CCDC85B: variants seen among roughly 807,000 people sequenced by gnomAD.
The protein encoded by CCDC85B is coiled-coil domain containing 85B, also known as coiled-coil domain-containing protein 85B.
In CCDC85B, 8 loss-of-function variants were observed where a neutral mutation model predicts 13.6. The observed-to-expected ratio is 0.59, with a 90% CI of 0.35 to 1.06. The LOEUF is 1.06. Ranked by LOEUF, CCDC85B falls within the 50% of genes least tolerant of loss-of-function variation. The pLI is 0.02. For missense variants in CCDC85B, 217 were observed against 285.9 expected (o/e 0.76, Z 1.74); for synonymous variants, 118 against 135.9 (o/e 0.87, Z 0.92).
At position 65,890,942 on chromosome 11, in the gene CCDC85B, G is replaced by T. The variant is rs1860375921; in HGVS notation, c.159G>T (p.Leu53=). The T allele has an allele frequency of 6.5e-7, 1 of 1,530,534 alleles. No individual in the cohort carries two copies. The highest frequency in any genetic ancestry group is 8.7e-7 in the Non-Finnish European group (1 of 1,145,202). 94.8% of individuals were successfully genotyped at this position (1,530,534 alleles called of 1,614,324 possible). A position where few individuals can be genotyped will look rare whatever the true frequency, so the allele number is the denominator to read the frequency against. ...TCATGCAGGAGGTGAATCGGCAGCT[G>T]CAGGGCCACCTGGGCGAGATCCGCG... ...GRLMQEVNRQ[L]QGHLGEIREL... The change falls in exon 1 of 1, where the codon CTG becomes CTT. Residue 53 remains leucine (L), a synonymous_variant. Transcript: ENST00000312579.
chr11:65,891,542 G>T lies in CCDC85B; in HGVS notation c.*150G>T. On this transcript the variant is annotated 3_prime_UTR_variant, in exon 1 of 1. Transcript: ENST00000312579. This position sits in a 1 kb window ranked among gnomAD's most constrained non-coding sequence, Gnocchi z 7.3. ...ATCCTGACACCAAGAAGGGCCCCTCGCTCTTGCTGGCAGGGCAGCAGGGGG... is the reference window on the plus strand; with the variant it reads ...ATCCTGACACCAAGAAGGGCCCCTCTCTCTTGCTGGCAGGGCAGCAGGGGG... 5.8e-6 allele frequency: 5 copies of T among 855,284 alleles called. No homozygotes were observed. The South Asian group carries it at 1.3e-4, about 22-fold the overall frequency. The allele number at this position is 855,284 out of a possible 1,614,324, so 53.0% of individuals were successfully genotyped here. A position where few individuals can be genotyped will look rare whatever the true frequency, so the allele number is the denominator to read the frequency against.
Position 65,890,937 on chromosome 11 carries a change from C to T in CCDC85B, c.154C>T (p.Gln52Ter), listed in dbSNP as rs2134783782. The part of the protein sequence containing the change: ...RGRLMQEVNR[Q>*]LQGHLGEIRE... ...CCGCCTCATGCAGGAGGTGAATCGG[C>T]AGCTGCAGGGCCACCTGGGCGAGAT... The change falls in exon 1 of 1, where the codon CAG becomes TAG. Residue 52 changes from glutamine to a stop codon, truncating the protein, a stop_gained. Coordinates refer to ENST00000312579, the MANE Select transcript of CCDC85B (RefSeq NM_006848.3). LOFTEE classifies it high-confidence loss of function. 6.5e-7 allele frequency: 1 copy of T among 1,529,808 alleles called. No homozygotes were observed. Among genetic ancestry groups the T allele is most frequent in the Non-Finnish European group, 8.7e-7 (1 of 1,144,904 alleles). The allele number at this position is 1,529,808 out of a possible 1,614,324, so 94.8% of individuals were successfully genotyped here.
chr11:65,891,098 A>G lies in CCDC85B; in HGVS notation c.315A>G (p.Ala105=). 1 of 1,570,910 alleles carries G rather than the reference A, an allele frequency of 6.4e-7. No homozygotes were observed. The highest frequency in any genetic ancestry group is 8.6e-7 in the Non-Finnish European group (1 of 1,164,344). The change falls in exon 1 of 1, where the codon GCA becomes GCG. Residue 105 remains alanine, a synonymous_variant. Transcript: ENST00000312579. This position sits in a 1 kb window ranked among gnomAD's most constrained non-coding sequence, Gnocchi z 7.3. Reference sequence around the variant, plus strand: ...AGTGGCAGCTCTTCGGGACCCAAGCATCCCGGGCCGTGCGCGAGGACCTGG... The same window carrying G: ...AGTGGCAGCTCTTCGGGACCCAAGCGTCCCGGGCCGTGCGCGAGGACCTGG... The part of the protein sequence containing the change: ...ARQWQLFGTQ[A]SRAVREDLGG...
rs1302589674 is a variant in CCDC85B at position 65,891,034 on chromosome 11, T to G, written c.251T>G (p.Leu84Arg). 1 of 1,543,582 alleles carries G rather than the reference T, an allele frequency of 6.5e-7. No homozygotes were observed. The highest frequency in any genetic ancestry group is 8.7e-7 in the Non-Finnish European group (1 of 1,152,724). ...GAGCTGCGCGACCTCTGCTGCTTCC[T>G]GGACTCGGAGCGCCAGCGCGGGCGG... is the stretch of plus-strand genomic sequence containing the variant. ...NRELRDLCCF[L>R]DSERQRGRRA... The change falls in exon 1 of 1, where the codon CTG (leucine) becomes CGG (arginine). Residue 84 changes from leucine to arginine, a missense_variant. Physicochemically the swap from Leu to Arg is moderately radical, Grantham distance 102. Transcript: ENST00000312579. The surrounding 1 kb of genome is among the most constrained non-coding windows in gnomAD (Gnocchi z 7.3).
At position 65,891,252 on chromosome 11, in the gene CCDC85B, G is replaced by T. The variant is rs773031637; in HGVS notation, c.469G>T (p.Ala157Ser). Residue 157 changes from alanine to serine, a missense_variant, in exon 1 of 1, where the codon GCC (alanine) becomes TCC (serine). By Grantham distance (99) the Ala-to-Ser change is moderately conservative (BLOSUM62 1). Coordinates refer to ENST00000312579, the MANE Select transcript of CCDC85B (RefSeq NM_006848.3). This position sits in a 1 kb window ranked among gnomAD's most constrained non-coding sequence, Gnocchi z 7.3. ...GGGCCCCCGCGGCGGCCCCAGCGGC[G>T]CCGGGGGATCAGGAGCCGGGCCAGC... ...EWGPRGGPSG[A>S]GGSGAGPAPE... The T allele has an allele frequency of 6.6e-7, 1 of 1,523,768 alleles. No individual in the cohort carries two copies. The highest frequency in any genetic ancestry group is 8.8e-7 in the Non-Finnish European group (1 of 1,138,752). 94.4% of individuals were successfully genotyped at this position (1,523,768 alleles called of 1,614,324 possible).
Position 65,891,050 on chromosome 11 carries a change from G to T in CCDC85B, c.267G>T (p.Gln89His). 6.5e-7 allele frequency: 1 copy of T among 1,541,816 alleles called. No homozygotes were observed. Among genetic ancestry groups the T allele is most frequent in the Non-Finnish European group, 8.7e-7 (1 of 1,152,086 alleles). ...GCTGCTTCCTGGACTCGGAGCGCCA[G>T]CGCGGGCGGCGCGCCGCACGCCAGT... ...DLCCFLDSER[Q>H]RGRRAARQWQ... The change falls in exon 1 of 1, where the codon CAG becomes CAT. Residue 89 changes from glutamine (Q) to histidine (H), a missense_variant. Gln to His is a conservative substitution (Grantham distance 24). Coordinates refer to ENST00000312579, the MANE Select transcript of CCDC85B (RefSeq NM_006848.3). This position sits in a 1 kb window ranked among gnomAD's most constrained non-coding sequence, Gnocchi z 7.3.
In CCDC85B at chr11:65,891,472, C is replaced by A. The variant is rs535822980; in HGVS notation, c.*80C>A. 1.8e-3 allele frequency: 2,520 copies of A among 1,431,090 alleles called. 5 individuals are homozygous for A. The highest frequency in any genetic ancestry group is 2.2e-3 in the Non-Finnish European group (2,365 of 1,087,168). The allele number at this position is 1,431,090 out of a possible 1,614,324, so 88.6% of individuals were successfully genotyped here. A position where few individuals can be genotyped will look rare whatever the true frequency, so the allele number is the denominator to read the frequency against. ...ACCGCTGTGGACCTCGGGACCTGGA[C>A]GCCGTCCTGGCTGCGCAGGAGGGGC... On this transcript the variant is annotated 3_prime_UTR_variant, in exon 1 of 1. Transcript: ENST00000312579. The surrounding 1 kb of genome is among the most constrained non-coding windows in gnomAD (Gnocchi z 7.3).
chr11:65,891,226 G>A lies in CCDC85B; in HGVS notation c.443G>A (p.Trp148Ter). Residue 148 changes from tryptophan to a stop codon, truncating the protein, a stop_gained, in exon 1 of 1, where the codon TGG becomes TAG. Coordinates refer to ENST00000312579, the MANE Select transcript of CCDC85B (RefSeq NM_006848.3). LOFTEE classifies it high-confidence loss of function. This position sits in a 1 kb window ranked among gnomAD's most constrained non-coding sequence, Gnocchi z 7.3. ...CTCTGCCTGGCGCTGGGCGAAGAATGGGGCCCCCGCGGCGGCCCCAGCGGC... is the reference window on the plus strand; with the variant it reads ...CTCTGCCTGGCGCTGGGCGAAGAATAGGGCCCCCGCGGCGGCCCCAGCGGC... ...KELCLALGEE[W>*]GPRGGPSGAG... is the part of the protein sequence containing the mutation. The A allele has an allele frequency of 6.6e-7, 1 of 1,511,288 alleles. No individual in the cohort carries two copies. The highest frequency in any genetic ancestry group is 8.8e-7 in the Non-Finnish European group (1 of 1,133,208). 93.6% of individuals were successfully genotyped at this position (1,511,288 alleles called of 1,614,324 possible). A position where few individuals can be genotyped will look rare whatever the true frequency, so the allele number is the denominator to read the frequency against.
Position 65,890,778 on chromosome 11 carries a change from C to T in CCDC85B, c.-6C>T, listed in dbSNP as rs1488259328. The T allele has an allele frequency of 1.4e-6, 2 of 1,462,192 alleles. No homozygotes were observed. The highest frequency in any genetic ancestry group is 1.8e-6 in the Non-Finnish European group (2 of 1,115,800). 90.6% of individuals were successfully genotyped at this position (1,462,192 alleles called of 1,614,324 possible). ...GGCGGGCGATGCTCCAGAGGCCTGA[C>T]CAGCCATGGAGGCCGAGGCAGGCGG... On this transcript the variant is annotated 5_prime_UTR_variant, in exon 1 of 1. Coordinates refer to ENST00000312579, the MANE Select transcript of CCDC85B (RefSeq NM_006848.3).
In CCDC85B at chr11:65,890,928, G is replaced by T. The variant is rs1239474329; in HGVS notation, c.145G>T (p.Val49Leu). The T allele has an allele frequency of 1.3e-6, 2 of 1,530,078 alleles. No individual in the cohort carries two copies. The highest frequency in any genetic ancestry group is 1.7e-6 in the Non-Finnish European group (2 of 1,144,956). 94.8% of individuals were successfully genotyped at this position (1,530,078 alleles called of 1,614,324 possible). A position where few individuals can be genotyped will look rare whatever the true frequency, so the allele number is the denominator to read the frequency against. The change falls in exon 1 of 1, where the codon GTG becomes TTG. Residue 49 changes from valine (V) to leucine (L), a missense_variant. Val to Leu is a conservative substitution (Grantham distance 32). Transcript: ENST00000312579. The part of the protein sequence containing the change: ...LVQRGRLMQE[V>L]NRQLQGHLGE... ...GCAGCGCGGCCGCCTCATGCAGGAG[G>T]TGAATCGGCAGCTGCAGGGCCACCT...
chr11:65,891,169 A>C lies in CCDC85B; in HGVS notation c.386A>C (p.Glu129Ala). The change falls in exon 1 of 1, where the codon GAG becomes GCG. Residue 129 changes from glutamate (E) to alanine (A), a missense_variant. By Grantham distance (107) the Glu-to-Ala change is moderately radical (BLOSUM62 -1). Coordinates refer to ENST00000312579, the MANE Select transcript of CCDC85B (RefSeq NM_006848.3). The surrounding 1 kb of genome is among the most constrained non-coding windows in gnomAD (Gnocchi z 7.3). Reference protein sequence around the residue: ...KLAELEGRQEELLRENLALKE... With the variant: ...KLAELEGRQEALLRENLALKE... ...GCCGAGCTGGAGGGCCGCCAGGAGG[A>C]GCTGCTGCGGGAGAACCTAGCGCTT... 6.5e-7 allele frequency: 1 copy of C among 1,546,864 alleles called. No individual in the cohort carries two copies. Among genetic ancestry groups the C allele is most frequent in the Non-Finnish European group, 8.7e-7 (1 of 1,150,160 alleles).
Position 65,890,987 on chromosome 11 carries a change from G to T in CCDC85B, c.204G>T (p.Arg68=), listed in dbSNP as rs1441108105. ...GEIRELKQLN[R]RLQAENRELR... is the part of the protein sequence containing the mutation. ...TCCGCGAGCTCAAGCAGCTCAACCGGCGTCTGCAGGCAGAGAACCGTGAGC... is the reference window on the plus strand; with the variant it reads ...TCCGCGAGCTCAAGCAGCTCAACCGTCGTCTGCAGGCAGAGAACCGTGAGC... Residue 68 remains arginine, a synonymous_variant, in exon 1 of 1, where the codon CGG becomes CGT. Transcript: ENST00000312579. 6.5e-7 allele frequency: 1 copy of T among 1,535,134 alleles called. No homozygotes were observed. The highest frequency in any genetic ancestry group is 8.7e-7 in the Non-Finnish European group (1 of 1,147,274).
chr11:65,891,408 C>A lies in CCDC85B; in HGVS notation c.*16C>A, dbSNP rs760382352. ...CGATGATTGAAGGCACTGCTTCCTC[C>A]ACGCCGACGCCCGCCCGGATTGCTC... On this transcript the variant is annotated 3_prime_UTR_variant, in exon 1 of 1. Coordinates refer to ENST00000312579, the MANE Select transcript of CCDC85B (RefSeq NM_006848.3). This position sits in a 1 kb window ranked among gnomAD's most constrained non-coding sequence, Gnocchi z 7.3. 12 of 1,543,148 alleles carry A rather than the reference C, an allele frequency of 7.8e-6. No homozygotes were observed. The South Asian group carries it at 1.1e-4, about 14-fold the overall frequency.
chr11:65,890,970 C>A lies in CCDC85B; in HGVS notation c.187C>A (p.Leu63Ile). ...LQGHLGEIRE[L>I]KQLNRRLQAE... ...GGGCCACCTGGGCGAGATCCGCGAG[C>A]TCAAGCAGCTCAACCGGCGTCTGCA... The change falls in exon 1 of 1, where the codon CTC becomes ATC. Residue 63 changes from leucine to isoleucine, a missense_variant. Transcript: ENST00000312579. The A allele has an allele frequency of 6.5e-7, 1 of 1,532,632 alleles. No homozygotes were observed. Among genetic ancestry groups the A allele is most frequent in the African/African-American group, 1.4e-5 (1 of 72,112 alleles). 94.9% of individuals were successfully genotyped at this position (1,532,632 alleles called of 1,614,324 possible).
chr11:65,891,158 C>A lies in CCDC85B; in HGVS notation c.375C>A (p.Gly125=). 6.4e-7 allele frequency: 1 copy of A among 1,555,856 alleles called. No homozygotes were observed. Among genetic ancestry groups the A allele is most frequent in the Non-Finnish European group, 8.7e-7 (1 of 1,154,386 alleles). ...GGCAGAAGCTGGCCGAGCTGGAGGGCCGCCAGGAGGAGCTGCTGCGGGAGA... is the reference window on the plus strand; with the variant it reads ...GGCAGAAGCTGGCCGAGCTGGAGGGACGCCAGGAGGAGCTGCTGCGGGAGA... ...GCWQKLAELE[G]RQEELLRENL... is the part of the protein sequence containing the mutation. Residue 125 remains glycine, a synonymous_variant, in exon 1 of 1, where the codon GGC becomes GGA. Coordinates refer to ENST00000312579, the MANE Select transcript of CCDC85B (RefSeq NM_006848.3). The surrounding 1 kb of genome is among the most constrained non-coding windows in gnomAD (Gnocchi z 7.3).
Position 65,891,070 on chromosome 11 carries a change from G to A in CCDC85B, c.287G>A (p.Arg96His). Residue 96 changes from arginine to histidine, a missense_variant, in exon 1 of 1, where the codon CGC (arginine) becomes CAC (histidine). Arg to His is a conservative substitution (Grantham distance 29, BLOSUM62 0). Coordinates refer to ENST00000312579, the MANE Select transcript of CCDC85B (RefSeq NM_006848.3). The surrounding 1 kb of genome is among the most constrained non-coding windows in gnomAD (Gnocchi z 7.3). ...CGCCAGCGCGGGCGGCGCGCCGCAC[G>A]CCAGTGGCAGCTCTTCGGGACCCAA... ...SERQRGRRAA[R>H]QWQLFGTQAS... 1.9e-6 allele frequency: 3 copies of A among 1,557,246 alleles called. No individual in the cohort carries two copies. The highest frequency in any genetic ancestry group is 2.6e-6 in the Non-Finnish European group (3 of 1,159,254).
In CCDC85B at chr11:65,890,818, C is replaced by G. The variant is rs1860373031; in HGVS notation, c.35C>G (p.Thr12Arg). The part of the protein sequence containing the change: ...EAEAGGLEEL[T>R]DEEMAALGKE... ...GAGGCAGGCGGCCTGGAGGAGCTGACGGACGAGGAGATGGCGGCGCTAGGC... is the reference window on the plus strand; with the variant it reads ...GAGGCAGGCGGCCTGGAGGAGCTGAGGGACGAGGAGATGGCGGCGCTAGGC... The change falls in exon 1 of 1, where the codon ACG becomes AGG. Residue 12 changes from threonine (T) to arginine (R), a missense_variant. Physicochemically the swap from Thr to Arg is moderately conservative, Grantham distance 71. Transcript: ENST00000312579. 1 of 1,515,542 alleles carries G rather than the reference C, an allele frequency of 6.6e-7. No individual in the cohort carries two copies. The allele number at this position is 1,515,542 out of a possible 1,614,324, so 93.9% of individuals were successfully genotyped here.
rs1375628794 is a variant in CCDC85B at position 65,890,934 on chromosome 11, C to T, written c.151C>T (p.Arg51Trp). Residue 51 changes from arginine to tryptophan, a missense_variant, in exon 1 of 1, where the codon CGG becomes TGG. Coordinates refer to ENST00000312579, the MANE Select transcript of CCDC85B (RefSeq NM_006848.3). ...CGGCCGCCTCATGCAGGAGGTGAAT[C>T]GGCAGCTGCAGGGCCACCTGGGCGA... ...QRGRLMQEVN[R>W]QLQGHLGEIR... The T allele has an allele frequency of 2.0e-6, 3 of 1,529,682 alleles. No homozygotes were observed. Among genetic ancestry groups the T allele is most frequent in the East Asian group, 2.5e-5 (1 of 39,964 alleles). 94.8% of individuals were successfully genotyped at this position (1,529,682 alleles called of 1,614,324 possible).
chr11:65,891,536 C>T lies in CCDC85B; in HGVS notation c.*144C>T. On this transcript the variant is annotated 3_prime_UTR_variant, in exon 1 of 1. Transcript: ENST00000312579. The surrounding 1 kb of genome is among the most constrained non-coding windows in gnomAD (Gnocchi z 7.3). Reference sequence around the variant, plus strand: ...TAAGAAATCCTGACACCAAGAAGGGCCCCTCGCTCTTGCTGGCAGGGCAGC... The same window carrying T: ...TAAGAAATCCTGACACCAAGAAGGGTCCCTCGCTCTTGCTGGCAGGGCAGC... 1 of 912,470 alleles carries T rather than the reference C, an allele frequency of 1.1e-6. No homozygotes were observed. Among genetic ancestry groups the T allele is most frequent in the South Asian group, 2.5e-5 (1 of 40,264 alleles). The allele number at this position is 912,470 out of a possible 1,614,324, so 56.5% of individuals were successfully genotyped here. A position where few individuals can be genotyped will look rare whatever the true frequency, so the allele number is the denominator to read the frequency against.
Sources: allele counts gnomAD v4.1 joint callset, GRCh38; gene constraint gnomAD v4.1.1; non-coding constraint Gnocchi (gnomAD v3.1); transcripts MANE v1.5; gene names NCBI Gene and HGNC (gene_info 2026-07-23, HGNC 2026-07-21).